The following NTN1 variants were observed in gnomAD, a reference collection of about 807,000 sequenced individuals.
NTN1 encodes the protein netrin-1.
NTN1 carries 11 observed loss-of-function variants against 54.2 expected under a neutral mutation model. The observed-to-expected ratio is 0.20, with a 90% CI of 0.13 to 0.34. The LOEUF (loss-of-function observed/expected upper bound fraction) is 0.34. Among genes scored for constraint, NTN1 ranks in the 10% least tolerant of loss-of-function variants. NTN1 has a pLI of 1.00. For missense variants in NTN1, 740 were observed against 893.1 expected (o/e 0.83, Z 2.18); for synonymous variants, 371 against 382.0 (o/e 0.97, Z 0.33).
At chr17:9,028,163 C>G (rs2091877304) in intron 2 of NTN1, among the ~76,000 whole-genome samples, 1 of 152,114 alleles carries the variant, frequency 6.6e-6, no homozygotes, top group Non-Finnish European at 1.5e-5. Flanking sequence ...CCCTAGTGTT[C>G]ACTATCCCTT....
At position 9,162,938 on chromosome 17, in the gene NTN1, T is replaced by A. The variant is rs2092362158; in HGVS notation, c.1144T>A (p.Tyr382Asn). 2 of 1,613,916 alleles carry A rather than the reference T, an allele frequency of 1.2e-6. No individual in the cohort carries two copies. Among genetic ancestry groups the A allele is most frequent in the Non-Finnish European group, 1.7e-6 (2 of 1,179,916 alleles). Reference protein sequence around the residue: ...RHNTAGRHCHYCKEGYYRDMG... With the variant: ...RHNTAGRHCHNCKEGYYRDMG... The stretch of plus-strand genomic sequence containing the variant: ...CAACACCGCCGGCCGCCACTGCCAT[T>A]ACTGCAAGGAGGGCTACTACCGCGA... Residue 382 changes from tyrosine (Y) to asparagine (N), a missense_variant, in exon 3 of 7, where the codon TAC becomes AAC. Tyr to Asn is a moderately radical substitution (Grantham distance 143, BLOSUM62 -2). Transcript: ENST00000173229.
rs1905283961 is a variant in NTN1, at chr17:9,219,505, G to T, written c.1412-1663G>T. On this transcript the variant is annotated intron_variant, in intron 5 of 6. Transcript: ENST00000173229. This position sits in a 1 kb window ranked among gnomAD's most constrained non-coding sequence, Gnocchi z 4.5. The stretch of plus-strand genomic sequence containing the variant: ...GCCCCAAGAGTCTGGCACAGGAAGC[G>T]GTGGGAGGCTACCACACCCATGGCC... Among the ~76,000 whole-genome samples, 2 of 152,144 alleles carry T rather than the reference G, an allele frequency of 1.3e-5. No individual in the cohort carries two copies. Among genetic ancestry groups the T allele is most frequent in the Non-Finnish European group, 2.9e-5 (2 of 68,032 alleles).
rs1345250710 is a variant in NTN1 at position 9,135,199 on chromosome 17, A to T, written c.1019-27614A>T. On this transcript the variant is annotated intron_variant, in intron 2 of 6. Coordinates refer to ENST00000173229, the MANE Select transcript of NTN1 (RefSeq NM_004822.3). This position sits in a 1 kb window ranked among gnomAD's most constrained non-coding sequence, Gnocchi z 4.4. ...TTTGCTCACCTTGCCAGTTCTTCCC[A>T]TCTCCTGTCTGGGCTGCCCTTTACT... Among the ~76,000 whole-genome samples, 1 of 151,844 alleles carries T rather than the reference A, an allele frequency of 6.6e-6. No homozygotes were observed. Among genetic ancestry groups the T allele is most frequent in the Non-Finnish European group, 1.5e-5 (1 of 67,960 alleles).
chr17:9,152,534 A>G (rs922506602), intron 2 of NTN1, among the ~76,000 whole-genome samples: 1 of 152,132 alleles, frequency 6.6e-6, no homozygotes, highest in Non-Finnish European at 1.5e-5. Flanking sequence ...GGCAATTCCC[A>G]GCTGTGATCC....
At chr17:9,018,033 G>A (rs1020501782), upstream of NTN1, among the ~76,000 whole-genome samples, 6 of 152,188 alleles carry the variant, frequency 3.9e-5, no homozygotes, top group Non-Finnish European at 7.3e-5. Context: ...GGGCTGCTGT[G>A]TAGCGTAGGG....
intron 2 of NTN1, among the ~76,000 whole-genome samples, chr17:9,078,951 G>A (rs1259781709): frequency 6.6e-6 from 1 of 152,220 alleles, no homozygotes; most frequent in Non-Finnish European, 1.5e-5. Context: ...TAGGAACTCT[G>A]GAGTGCATAC....
At chr17:9,003,285 G>A in the NTN1 span, among the ~76,000 whole-genome samples, 1 of 151,828 alleles carries the variant, frequency 6.6e-6, no homozygotes, top group Non-Finnish European at 1.5e-5. The surrounding 1 kb of genome is among the most constrained non-coding windows in gnomAD (Gnocchi z 7.4). Flanking sequence ...CAGCTGGAGC[G>A]GCGTAGAGCC....
chr17:9,102,437 T>C (rs2142243195), intron 2 of NTN1, among the ~76,000 whole-genome samples: 1 of 152,310 alleles, frequency 6.6e-6, no homozygotes, highest in Non-Finnish European at 1.5e-5. Context: ...GGACCAGGAT[T>C]GGGGAAACTG....
chr17:9,019,045 T>C (rs1194700400), upstream of NTN1, among the ~76,000 whole-genome samples: 3 of 152,332 alleles, frequency 2.0e-5, no homozygotes, highest in South Asian at 2.1e-4. Flanking sequence ...GTAATGAACA[T>C]GGTCTCCTCA....
At chr17:9,225,240 G>T (rs1905494747) in intron 6 of NTN1, among the ~76,000 whole-genome samples, 1 of 151,074 alleles carries the variant, frequency 6.6e-6, no homozygotes, top group Admixed American at 6.6e-5. Context: ...GAGCAACAGA[G>T]TGAGACTCTG....
At chr17:9,144,196 G>A (rs1261316051) in intron 2 of NTN1, among the ~76,000 whole-genome samples, 1 of 151,534 alleles carries the variant, frequency 6.6e-6, no homozygotes, top group African/African-American at 2.4e-5. Context: ...GCGCCCGGCC[G>A]TTACCGTCTT....
intron 2 of NTN1, among the ~76,000 whole-genome samples, chr17:9,143,136 C>G (rs2092303117): frequency 6.6e-6 from 1 of 152,164 alleles, no homozygotes; most frequent in East Asian, 1.9e-4. Flanking sequence ...TCCATCTGCC[C>G]TGTGTGGCTT....
At chr17:9,060,345 A>G (rs1388095200) in intron 2 of NTN1, among the ~76,000 whole-genome samples, 3 of 152,238 alleles carry the variant, frequency 2.0e-5, no homozygotes, top group African/African-American at 4.8e-5. Flanking sequence ...GTAAGAATAC[A>G]GTATCTAATA....
Position 9,122,959 on chromosome 17 carries a change from G to T in NTN1, c.1019-39854G>T, listed in dbSNP as rs139965488. Among the ~76,000 whole-genome samples, 669 of 152,226 alleles carry T rather than the reference G, an allele frequency of 4.4e-3. 3 individuals are homozygous for T. Among genetic ancestry groups the T allele is most frequent in the African/African-American group, 0.015 (622 of 41,548 alleles). ...TCAGGCATTTAAATTTGGACATTTT[G>T]CTGTTTTTCAGGTTTTTTCCACTCT... On this transcript the variant is annotated intron_variant, in intron 2 of 6. Coordinates refer to ENST00000173229, the MANE Select transcript of NTN1 (RefSeq NM_004822.3).
intron 6 of NTN1, among the ~76,000 whole-genome samples, chr17:9,225,983 C>T (rs1027507571): frequency 2.0e-5 from 3 of 152,166 alleles, no homozygotes; most frequent in African/African-American, 4.8e-5. Flanking sequence ...TCTGGGGCTC[C>T]GCGGACCTGG....
At chr17:9,049,973 G>T (rs61176905) in intron 2 of NTN1, among the ~76,000 whole-genome samples, 1 of 152,086 alleles carries the variant, frequency 6.6e-6, no homozygotes, top group Non-Finnish European at 1.5e-5. Flanking sequence ...TCGGCCAGGC[G>T]CAGTGGCTCA....
chr17:9,213,501 T>G (rs9911302), intron 5 of NTN1, among the ~76,000 whole-genome samples: 3,609 of 152,148 alleles, frequency 0.024, 150 homozygotes, highest in African/African-American at 0.084. Flanking sequence ...GGCTGGGTGG[T>G]GGTAGGATGG....
intron 6 of NTN1, among the ~76,000 whole-genome samples, chr17:9,223,556 C>CAAAA (rs369166076): frequency 2.0e-5 from 3 of 149,114 alleles, no homozygotes; most frequent in Non-Finnish European, 4.5e-5. Context: ...GACTCTGTCT[C>CAAAA]AAAAAAAAGA....
chr17:9,112,960 G>T (rs1465641082), intron 2 of NTN1, among the ~76,000 whole-genome samples: 1 of 151,676 alleles, frequency 6.6e-6, no homozygotes, highest in Non-Finnish European at 1.5e-5. Flanking sequence ...GTAAGAAGTT[G>T]TATTGCTTTT....
Sources: gnomAD v4.1 joint callset for allele counts (sites outside exome capture counted in the v4.1 genomes callset) on GRCh38, gnomAD v4.1.1 for gene constraint, Gnocchi (gnomAD v3.1) non-coding constraint, MANE v1.5 for transcripts, NCBI Gene and HGNC (gene_info 2026-07-23, HGNC 2026-07-21) for gene names.